ZNF385D: variants seen among roughly 807,000 people sequenced by gnomAD.
ZNF385D encodes zinc finger protein 385D.
Under a neutral mutation model 35.8 loss-of-function variants are expected in ZNF385D, and 15 were observed. The ratio of observed to expected loss-of-function variants is 0.42; its 90% CI spans 0.28 to 0.64. ZNF385D has a LOEUF of 0.64. Ranked by LOEUF, ZNF385D falls within the 30% of genes least tolerant of loss-of-function variation. ZNF385D has a pLI of 0.23. For synonymous variants in ZNF385D, 212 were observed against 186.8 expected (o/e 1.13, Z -1.10); for missense variants, 474 against 494.6 (o/e 0.96, Z 0.39).
At chr3:21,928,051 C>T (rs920479841) in intron 3 of ZNF385D, among the ~76,000 whole-genome samples, 1 of 151,864 alleles carries the variant, frequency 6.6e-6, no homozygotes, top group African/African-American at 2.4e-5. Flanking sequence ...GAGCAAGACT[C>T]GATAAATATT....
At chr3:21,866,555 T>A (rs1697377874) in intron 3 of ZNF385D, among the ~76,000 whole-genome samples, 1 of 152,152 alleles carries the variant, frequency 6.6e-6, no homozygotes, top group African/African-American at 2.4e-5. Flanking sequence ...GAGCAAGGGC[T>A]CATTAAAGGT....
chr3:22,337,632 G>A (rs1695233379), intron 2 of ZNF385D, among the ~76,000 whole-genome samples: 1 of 152,176 alleles, frequency 6.6e-6, no homozygotes, highest in African/African-American at 2.4e-5. Context: ...TCACAGAAAA[G>A]TAGATAGACT....
At chr3:22,144,956 T>C (rs535087075) in intron 3 of ZNF385D, among the ~76,000 whole-genome samples, 1 of 152,134 alleles carries the variant, frequency 6.6e-6, no homozygotes, top group South Asian at 2.1e-4. Context: ...CCTTATTTAA[T>C]AGGTAATCAT....
chr3:22,191,560 T>C (rs1029636621), intron 2 of ZNF385D, among the ~76,000 whole-genome samples: 6 of 152,120 alleles, frequency 3.9e-5, no homozygotes, highest in African/African-American at 1.4e-4. Flanking sequence ...ATATTCTTCT[T>C]TTAGAGTTAA....
At chr3:21,845,774 G>A (rs1423653515) in intron 3 of ZNF385D, among the ~76,000 whole-genome samples, 1 of 151,982 alleles carries the variant, frequency 6.6e-6, no homozygotes. Flanking sequence ...GTTAATGAGA[G>A]CTTCTAAGAA....
chr3:21,531,407 A>G (rs1219119496), intron 3 of ZNF385D, among the ~76,000 whole-genome samples: 1 of 152,198 alleles, frequency 6.6e-6, no homozygotes, highest in Non-Finnish European at 1.5e-5. Flanking sequence ...GCTCTCTGAC[A>G]TTTACTCAAC....
chr3:21,999,267 A>C (rs925537684), intron 3 of ZNF385D, among the ~76,000 whole-genome samples: 2 of 152,170 alleles, frequency 1.3e-5, no homozygotes, highest in Non-Finnish European at 2.9e-5. Context: ...TATTCTATAA[A>C]GTTAGTTTGA....
rs2068469627 is a variant in ZNF385D at position 21,719,883 on chromosome 3, A to T, written c.22+31012T>A. Among the ~76,000 whole-genome samples the T allele has an allele frequency of 2.0e-5, 3 of 152,232 alleles. No individual in the cohort carries two copies. In the South Asian group the frequency reaches 6.2e-4, roughly 32 times the overall value. On this transcript the variant is annotated intron_variant, in intron 1 of 7. Coordinates refer to ENST00000281523, the MANE Select transcript of ZNF385D (RefSeq NM_024697.3). ...CTAAGAAGACAAGAACCCAGATAGT[A>T]CATCAGCCATCAACACAATCAGGAG...
intron 2 of ZNF385D, among the ~76,000 whole-genome samples, chr3:21,607,220 T>G (rs940971226): frequency 6.6e-5 from 10 of 152,152 alleles, no homozygotes. Context: ...AATACGATAT[T>G]AATTTCATCT....
At chr3:22,215,826 C>T (rs1050634438) in intron 2 of ZNF385D, among the ~76,000 whole-genome samples, 3 of 151,934 alleles carry the variant, frequency 2.0e-5, no homozygotes, top group African/African-American at 7.2e-5. Flanking sequence ...CATCACGGAA[C>T]CTGCCGACAT....
intron 3 of ZNF385D, among the ~76,000 whole-genome samples, chr3:21,807,635 T>G (rs919064742): frequency 3.9e-5 from 6 of 152,168 alleles, no homozygotes; most frequent in Admixed American, 6.5e-5. Flanking sequence ...TTAAAATATA[T>G]TTAAATAACT....
chr3:22,184,624 G>A (rs931024066), intron 2 of ZNF385D, among the ~76,000 whole-genome samples: 3 of 152,134 alleles, frequency 2.0e-5, no homozygotes, highest in African/African-American at 4.8e-5. Flanking sequence ...TCAGGAATTC[G>A]AGACCAGACT....
intron 3 of ZNF385D, among the ~76,000 whole-genome samples, chr3:22,028,901 A>G (rs981182017): frequency 6.6e-6 from 1 of 152,152 alleles, no homozygotes; most frequent in Non-Finnish European, 1.5e-5. Context: ...AGTTCTCTAG[A>G]AGACCATGTG....
intron 2 of ZNF385D, among the ~76,000 whole-genome samples, chr3:22,206,271 G>A (rs1029379781): frequency 6.6e-6 from 1 of 151,882 alleles, no homozygotes; most frequent in African/African-American, 2.4e-5. Context: ...GGAACACCCA[G>A]ATATATAAAG....
chr3:21,791,620 G>A lies in ZNF385D; in HGVS notation c.326-126592C>T, dbSNP rs35393157. Among the ~76,000 whole-genome samples the A allele has an allele frequency of 3.2e-3, 481 of 152,180 alleles. 3 individuals carry two copies. The highest frequency in any genetic ancestry group is 0.011 in the African/African-American group (445 of 41,532). On this transcript the variant is annotated intron_variant, in intron 3 of 5. Coordinates refer to the ZNF385D transcript ENST00000494108. ...TTTACAAAACATTAGCAGCTCTAAC[G>A]GTTTTCACTATTTAATGGCCTCTAA... is the stretch of plus-strand genomic sequence containing the variant.
chr3:21,742,596 G>T lies in ZNF385D; in HGVS notation c.22+8299C>A, dbSNP rs115348399. Among the ~76,000 whole-genome samples the T allele has an allele frequency of 5.2e-3, 774 of 149,802 alleles. 7 individuals are homozygous for T. Among genetic ancestry groups the T allele is most frequent in the African/African-American group, 0.018 (714 of 39,202 alleles). ...AGCGGCAGAAGGCAATGGATTGGAG[G>T]GCAAGAGAAAGGGAGAAACCAGGGT... is the stretch of plus-strand genomic sequence containing the variant. On this transcript the variant is annotated intron_variant, in intron 1 of 7. Coordinates refer to ENST00000281523, the MANE Select transcript of ZNF385D (RefSeq NM_024697.3).
At chr3:22,230,886 G>C (rs188481380) in intron 2 of ZNF385D, among the ~76,000 whole-genome samples, 1 of 152,262 alleles carries the variant, frequency 6.6e-6, no homozygotes, top group African/African-American at 2.4e-5. Context: ...AGTCATTAGA[G>C]AAATAACTCA....
intron 3 of ZNF385D, among the ~76,000 whole-genome samples, chr3:22,017,063 G>A (rs1696933474): frequency 6.6e-6 from 1 of 151,872 alleles, no homozygotes; most frequent in African/African-American, 2.4e-5. Context: ...CAAATGTTAT[G>A]TTATAAACAT....
chr3:21,595,774 C>T (rs989782878), intron 2 of ZNF385D, among the ~76,000 whole-genome samples: 8 of 152,102 alleles, frequency 5.3e-5, no homozygotes, highest in Non-Finnish European at 1.2e-4. Context: ...TGATAAAGCT[C>T]TCTTAGAGAA....
Sources: gnomAD v4.1 joint callset for allele counts (sites outside exome capture counted in the v4.1 genomes callset) on GRCh38, gnomAD v4.1.1 for gene constraint, MANE v1.5 for transcripts, NCBI Gene and HGNC (gene_info 2026-07-23, HGNC 2026-07-21) for gene names.